The following LIMK1 variants were observed in gnomAD, a reference collection of about 807,000 sequenced individuals.
LIMK1 encodes the protein LIM domain kinase 1.
A neutral mutation model predicts 77.6 loss-of-function variants in LIMK1; 21 were observed. The ratio of observed to expected loss-of-function variants is 0.27; its 90% CI spans 0.19 to 0.39. LIMK1 has a LOEUF of 0.39. Among genes scored for constraint, LIMK1 ranks in the 10% least tolerant of loss-of-function variants. The pLI, the probability that LIMK1 is intolerant of heterozygous loss-of-function variation, is 1.00. For synonymous variants in LIMK1, 358 were observed against 370.0 expected, an observed-to-expected ratio of 0.97 and a Z score of 0.37; for missense variants, 696 against 901.6, an observed-to-expected ratio of 0.77 and a Z score of 2.92.
rs375602963 is a variant in LIMK1, at chr7:74,097,002, G to A, written c.292-78G>A. On this transcript the variant is annotated intron_variant, in intron 3 of 15. Transcript: ENST00000336180. ...CAGTTGTTTTTTTGGTGACACCCTTGGAAGAGGCCTAGGGGAGGATCTGTG... is the reference window on the plus strand; with the variant it reads ...CAGTTGTTTTTTTGGTGACACCCTTAGAAGAGGCCTAGGGGAGGATCTGTG... The A allele has an allele frequency of 1.3e-5, 16 of 1,212,720 alleles. No individual in the cohort carries two copies. In the South Asian group the frequency reaches 1.8e-4, roughly 14 times the overall value. 75.1% of individuals were successfully genotyped at this position (1,212,720 alleles called of 1,614,324 possible).
chr7:74,112,955 C>A (rs1799733852), intron 12 of LIMK1, among the ~76,000 whole-genome samples: 1 of 152,098 alleles, frequency 6.6e-6, no homozygotes, highest in Non-Finnish European at 1.5e-5. Flanking sequence ...AGTAACCATG[C>A]CCATCTGGAG....
At chr7:74,119,284 T>G (rs956568172) in intron 13 of LIMK1, among the ~76,000 whole-genome samples, 1 of 151,668 alleles carries the variant, frequency 6.6e-6, no homozygotes, top group Non-Finnish European at 1.5e-5. Context: ...GTTCAAGTGA[T>G]TCTCCTGCCT....
At chr7:74,092,717 G>T (rs1554694953) in intron 2 of LIMK1, among the ~76,000 whole-genome samples, 1 of 152,228 alleles carries the variant, frequency 6.6e-6, no homozygotes, top group Non-Finnish European at 1.5e-5. Flanking sequence ...CCTGGGCAAG[G>T]AGGGCTGAGC....
intron 12 of LIMK1, among the ~76,000 whole-genome samples, chr7:74,114,520 C>T (rs1245249322): frequency 6.8e-6 from 1 of 147,772 alleles, no homozygotes; most frequent in African/African-American, 2.5e-5. Flanking sequence ...CACTGCACTC[C>T]AGCCTGGGCC....
At position 74,097,089 on chromosome 7, in the gene LIMK1, G is replaced by A; in HGVS notation, c.301G>A (p.Glu101Lys). Residue 101 changes from glutamate to lysine, a missense_variant, in exon 4 of 16, where the codon GAG becomes AAG. Transcript: ENST00000336180. ...CTCACCCCCGCACCAGGTGGCTGGG[G>A]AGCTGAAGTACCACCCCGAGTGTTT... The part of the protein sequence containing the change: ...ITKGLVMVAG[E>K]LKYHPECFIC... 6.2e-7 allele frequency: 1 copy of A among 1,612,526 alleles called. No individual in the cohort carries two copies. Among genetic ancestry groups the A allele is most frequent in the African/African-American group, 1.3e-5 (1 of 75,010 alleles).
rs782088817 is a variant in LIMK1, at chr7:74,107,911, A to C, written c.1106A>C (p.Glu369Ala). ...ACAGGTGAGGTGATGGTGATGAAGG[A>C]GCTGATCCGGTTCGACGAGGAGACC... The part of the protein sequence containing the change: ...RETGEVMVMK[E>A]LIRFDEETQR... Residue 369 changes from glutamate (E) to alanine (A), a missense_variant, in exon 9 of 16, where the codon GAG becomes GCG. Coordinates refer to ENST00000336180, the MANE Select transcript of LIMK1 (RefSeq NM_002314.4). 3.2e-6 allele frequency: 5 copies of C among 1,578,576 alleles called. No homozygotes were observed. The highest frequency in any genetic ancestry group is 3.4e-6 in the Non-Finnish European group (4 of 1,161,966).
intron 5 of LIMK1, among the ~76,000 whole-genome samples, chr7:74,100,287 C>A (rs1799428287): frequency 6.6e-6 from 1 of 152,152 alleles, no homozygotes; most frequent in Admixed American, 6.6e-5. Context: ...TGACTTTGAG[C>A]AGCTGCTTTC....
chr7:74,120,961 G>A lies in LIMK1; in HGVS notation c.1693G>A (p.Gly565Arg). The change falls in exon 15 of 16, where the codon GGA becomes AGA. Residue 565 changes from glycine to arginine, a missense_variant. Coordinates refer to ENST00000336180, the MANE Select transcript of LIMK1 (RefSeq NM_002314.4). ...CATGGACTTTGGCCTCAACGTGCGA[G>A]GATTCCTGGACCGCTACTGCCCCCC... Reference protein sequence around the residue: ...RTMDFGLNVRGFLDRYCPPNC... With the variant: ...RTMDFGLNVRRFLDRYCPPNC... 6.2e-7 allele frequency: 1 copy of A among 1,614,082 alleles called. No individual in the cohort carries two copies. The highest frequency in any genetic ancestry group is 8.5e-7 in the Non-Finnish European group (1 of 1,179,980).
At chr7:74,111,900 G>A in intron 11 of LIMK1, 33 bp from the exon 12 acceptor site, 2 of 1,592,094 alleles carry the variant, frequency 1.3e-6, no homozygotes, top group Non-Finnish European at 1.7e-6. Context: ...CCTCTGCACA[G>A]CTGCCCCCTG....
At chr7:74,111,452 A>AT in intron 10 of LIMK1, 196 bp from the exon 11 acceptor site, 2 of 577,016 alleles carry the variant, frequency 3.5e-6, no homozygotes, top group Non-Finnish European at 6.2e-6. Context: ...AAAAAAAAAA[A>AT]GGAAATAATG....
In LIMK1 at chr7:74,085,817, A is replaced by G. The variant is rs1273382622; in HGVS notation, c.125A>G (p.Asn42Ser). Residue 42 changes from asparagine to serine, a missense_variant, in exon 2 of 16, where the codon AAC (asparagine) becomes AGC (serine). Asn to Ser is a conservative substitution (Grantham distance 46). This residue lies in a region of LIMK1 where 252 missense variants were observed against 279.4 expected (regional missense o/e 0.90). Transcript: ENST00000336180. ...GATGGCCAGTACCTCCAGGCCCTGA[A>G]CGCGGACTGGCACGCAGACTGCTTC... ...IYDGQYLQAL[N>S]ADWHADCFRC... 10 of 1,560,302 alleles carry G rather than the reference A, an allele frequency of 6.4e-6. No homozygotes were observed. The highest frequency in any genetic ancestry group is 8.7e-6 in the Non-Finnish European group (10 of 1,152,176).
chr7:74,093,268 C>T, intron 2 of LIMK1: 1 of 1,536,010 alleles, frequency 6.5e-7, no homozygotes, highest in African/African-American at 1.4e-5. Flanking sequence ...GGCTTCAGCC[C>T]CAAGAAGACG....
At chr7:74,094,830 C>T (rs902130760) in intron 2 of LIMK1, among the ~76,000 whole-genome samples, 2 of 152,000 alleles carry the variant, frequency 1.3e-5, no homozygotes, top group African/African-American at 4.8e-5. Context: ...CCCCTGCCAC[C>T]GCCACCACCT....
At position 74,102,029 on chromosome 7, in the gene LIMK1, G is replaced by A. The variant is rs541259004; in HGVS notation, c.608+2791G>A. On this transcript the variant is annotated intron_variant, in intron 5 of 15. Transcript: ENST00000336180. ...TGTAGAGACTGAGTCTTGCTGTGTC[G>A]CCCAGGCTAGTCTTGAACTCCTGGG... Among the ~76,000 whole-genome samples the A allele has an allele frequency of 9.2e-5, 14 of 152,126 alleles. No individual in the cohort carries two copies. In the East Asian group the frequency reaches 1.9e-3, roughly 21 times the overall value.
chr7:74,105,202 C>T (rs1277299136), intron 5 of LIMK1, among the ~76,000 whole-genome samples: 3 of 152,154 alleles, frequency 2.0e-5, no homozygotes, highest in Non-Finnish European at 2.9e-5. Flanking sequence ...AATCCATCCA[C>T]CTTGGCCTCC....
At chr7:74,097,961 T>C (rs1799369741) in intron 4 of LIMK1, among the ~76,000 whole-genome samples, 1 of 152,238 alleles carries the variant, frequency 6.6e-6, no homozygotes, top group Non-Finnish European at 1.5e-5. Context: ...AGTTTTATTA[T>C]GAAGGACACA....
intron 13 of LIMK1, 56 bp downstream of exon 13, chr7:74,116,014 A>T (rs781830680): frequency 1.8e-5 from 29 of 1,571,874 alleles, no homozygotes; most frequent in Middle Eastern, 3.4e-4. Flanking sequence ...GGGGGAGCCC[A>T]GGAGAGCTGT....
chr7:74,111,544 G>A, intron 10 of LIMK1, 104 bp from the exon 11 acceptor site: 2 of 901,624 alleles, frequency 2.2e-6, no homozygotes, highest in Non-Finnish European at 3.6e-6. Context: ...GGGAGCCCAG[G>A]GACCCTCTAG....
chr7:74,093,436 G>T, intron 2 of LIMK1: 1 of 1,112,328 alleles, frequency 9.0e-7, no homozygotes, highest in Admixed American at 2.3e-5. Context: ...GTCGGCTGCA[G>T]CCTGGGAGCA....
Sources: allele counts gnomAD v4.1 joint callset (sites outside exome capture counted in the v4.1 genomes callset), GRCh38; gene constraint gnomAD v4.1.1; regional missense constraint gnomAD v4.1.1; transcripts MANE v1.5; gene names NCBI Gene and HGNC (gene_info 2026-07-23, HGNC 2026-07-21).